The following TRPS1 variants were observed in gnomAD, a reference collection of about 807,000 sequenced individuals.
TRPS1 encodes zinc finger transcription factor Trps1.
In TRPS1, 6 loss-of-function variants were observed where a neutral mutation model predicts 101.2. The observed-to-expected ratio is 0.06, with a 90% confidence interval of 0.03 to 0.12. The LOEUF (loss-of-function observed/expected upper bound fraction) is 0.12. TRPS1 is among the 10% of genes least tolerant of loss of function. The probability of loss-of-function intolerance (pLI) is 1.00; values close to 1 mark genes in which losing one functional copy is unlikely to be tolerated. For missense variants in TRPS1, 1,363 were observed against 1,567.0 expected, an observed-to-expected ratio of 0.87 and a Z score of 2.20; for synonymous variants, 578 against 589.8, an observed-to-expected ratio of 0.98 and a Z score of 0.29.
intron 1 of TRPS1, among the ~76,000 whole-genome samples, chr8:115,631,634 CATGGATGGATGGATGGATGGATGG>C (rs57368306): frequency 0.013 from 1,976 of 149,408 alleles, 51 homozygotes; most frequent in African/African-American, 0.047. Flanking sequence ...TTATTAGATG[CATGGATGGATGGATGGATGGATGG>C]ATGGATGGAT....
chr8:115,654,878 T>C (rs1811645134), intron 1 of TRPS1, among the ~76,000 whole-genome samples: 1 of 152,240 alleles, frequency 6.6e-6, no homozygotes, highest in African/African-American at 2.4e-5. Flanking sequence ...TGATTCATTA[T>C]GATCATCAAT....
chr8:115,621,363 G>T (rs78970394), intron 2 of TRPS1, among the ~76,000 whole-genome samples: 3,357 of 152,166 alleles, frequency 0.022, 105 homozygotes, highest in African/African-American at 0.076. Flanking sequence ...TAGTTATACC[G>T]CAATTATCCA....
rs555271193 is a variant in TRPS1 at position 115,461,627 on chromosome 8, A to G, written c.2701-43175T>C. Among the ~76,000 whole-genome samples, 3 of 152,314 alleles carry G rather than the reference A, an allele frequency of 2.0e-5. 1 individual carries two copies. The East Asian group carries it at 5.8e-4, about 29-fold the overall frequency. On this transcript the variant is annotated intron_variant, in intron 5 of 6. Coordinates refer to ENST00000395715, the MANE Select transcript of TRPS1 (RefSeq NM_014112.5). ...TATGTTTGTGGCATCTCTTAAGTCA[A>G]TTAATATTTCTGTGCCTCAGATTTC...
In TRPS1 at chr8:115,599,648, C is replaced by T. The variant is rs114678768; in HGVS notation, c.2096+4225G>A. On this transcript the variant is annotated intron_variant, in intron 4 of 6. Transcript: ENST00000395715. ...GAGAATGATGGTTTCCGGCTCCATC[C>T]ATGTCCCTGCAAAGGACACCAACTC... 6.9e-3 allele frequency among the ~76,000 whole-genome samples: 1,045 copies of T among 152,232 alleles called. 17 individuals carry two copies. The highest frequency in any genetic ancestry group is 0.024 in the African/African-American group (997 of 41,548).
intron 3 of TRPS1, among the ~76,000 whole-genome samples, chr8:115,606,648 G>C (rs1818043822): frequency 6.6e-6 from 1 of 151,858 alleles, no homozygotes. Context: ...TACACTCAAG[G>C]ATACAGCACA....
At chr8:115,549,610 G>T (rs971752189) in intron 5 of TRPS1, among the ~76,000 whole-genome samples, 2 of 150,464 alleles carry the variant, frequency 1.3e-5, no homozygotes, top group African/African-American at 2.5e-5. Context: ...CCAAATGTTT[G>T]CAGCTACTCA....
chr8:115,414,706 C>T lies in TRPS1; in HGVS notation c.3202G>A (p.Val1068Ile), dbSNP rs200107935. The T allele has an allele frequency of 1.7e-4, 276 of 1,614,076 alleles. 5 individuals are homozygous for T. Among genetic ancestry groups the T allele is most frequent in the South Asian group, 1.2e-3 (111 of 91,086 alleles). ...STGDPGNSSS[V>I]SEGKGSSERG... is the part of the protein sequence containing the mutation. ...TCAGAACTTCCTTTCCCTTCAGATA[C>T]GGATGAACTATTTCCTGGATCTCCA... The change falls in exon 7 of 7, where the codon GTA (valine) becomes ATA (isoleucine). Residue 1068 changes from valine to isoleucine, a missense_variant. Physicochemically the swap from Val to Ile is conservative, Grantham distance 29. This residue lies in a region of TRPS1 where 307 missense variants were observed against 392.4 expected (regional missense o/e 0.78). Transcript: ENST00000395715. The surrounding 1 kb of genome is among the most constrained non-coding windows in gnomAD (Gnocchi z 4.8).
At chr8:115,467,441 A>T (rs2129999342) in intron 5 of TRPS1, among the ~76,000 whole-genome samples, 1 of 152,276 alleles carries the variant, frequency 6.6e-6, no homozygotes, top group Admixed American at 6.5e-5. Context: ...TAAAAAAAAA[A>T]AAAAAGTCAG....
At chr8:115,537,196 T>A (rs569816294) in intron 5 of TRPS1, among the ~76,000 whole-genome samples, 2 of 152,212 alleles carry the variant, frequency 1.3e-5, no homozygotes, top group Admixed American at 1.3e-4. Context: ...AGTATATTCT[T>A]CCACTCTAAA....
intron 5 of TRPS1, among the ~76,000 whole-genome samples, chr8:115,435,371 A>T (rs1484276629): frequency 4.6e-5 from 7 of 152,216 alleles, no homozygotes; most frequent in Non-Finnish European, 8.8e-5. Flanking sequence ...TTAATATGGC[A>T]TGAGTGACTG....
intron 2 of TRPS1, among the ~76,000 whole-genome samples, 176 bp downstream of exon 2, chr8:115,623,425 T>A (rs997582993): frequency 6.6e-6 from 1 of 152,024 alleles, no homozygotes; most frequent in Admixed American, 6.6e-5. Context: ...TATAAGCACA[T>A]TTGTCATACT....
chr8:115,521,605 G>T (rs986751110), intron 5 of TRPS1, among the ~76,000 whole-genome samples: 1 of 151,800 alleles, frequency 6.6e-6, no homozygotes, highest in Non-Finnish European at 1.5e-5. Context: ...AATGAGTTCT[G>T]TTATGATTGC....
chr8:115,610,316 C>T (rs1219906469), intron 3 of TRPS1, among the ~76,000 whole-genome samples: 1 of 152,148 alleles, frequency 6.6e-6, no homozygotes, highest in Non-Finnish European at 1.5e-5. Flanking sequence ...AAGGGCCGAT[C>T]TTAGCGGAAA....
At chr8:115,467,241 C>CA (rs1465940732) in intron 5 of TRPS1, among the ~76,000 whole-genome samples, 1 of 152,036 alleles carries the variant, frequency 6.6e-6, no homozygotes. Flanking sequence ...TATGAAGTGG[C>CA]AGTGTCCTTT....
intron 5 of TRPS1, among the ~76,000 whole-genome samples, chr8:115,458,277 T>G (rs1292884602): frequency 6.6e-6 from 1 of 152,188 alleles, no homozygotes; most frequent in Non-Finnish European, 1.5e-5. Flanking sequence ...AAAACTGTTT[T>G]GTAAATGGGG....
chr8:115,637,232 A>G, intron 1 of TRPS1: 2 of 984,758 alleles, frequency 2.0e-6, no homozygotes, highest in Non-Finnish European at 2.4e-6. Flanking sequence ...CAAATGGCTC[A>G]CATGGAAGAC....
At chr8:115,464,021 A>G (rs2129985665) in intron 5 of TRPS1, among the ~76,000 whole-genome samples, 1 of 152,242 alleles carries the variant, frequency 6.6e-6, no homozygotes, top group East Asian at 1.9e-4. Flanking sequence ...AATTGCTTGC[A>G]CATGCTCAGT....
At chr8:115,506,836 T>C (rs146953742) in intron 5 of TRPS1, among the ~76,000 whole-genome samples, 6 of 152,260 alleles carry the variant, frequency 3.9e-5, no homozygotes, top group African/African-American at 1.4e-4. Context: ...TTTTTCTTCA[T>C]GATTAACACA....
At chr8:115,494,154 C>T (rs1167841058) in intron 5 of TRPS1, among the ~76,000 whole-genome samples, 1 of 152,186 alleles carries the variant, frequency 6.6e-6, no homozygotes, top group Non-Finnish European at 1.5e-5. Context: ...TCTCCCATGG[C>T]TTGAATCAGT....
Sources: allele counts gnomAD v4.1 joint callset (sites outside exome capture counted in the v4.1 genomes callset), GRCh38; gene constraint gnomAD v4.1.1; regional missense constraint gnomAD v4.1.1; non-coding constraint Gnocchi (gnomAD v3.1); transcripts MANE v1.5; gene names NCBI Gene and HGNC (gene_info 2026-07-23, HGNC 2026-07-21).